Variants in PDE6C observed in about 807,000 individuals in gnomAD.
PDE6C encodes cone cGMP-specific 3',5'-cyclic phosphodiesterase subunit alpha'.
PDE6C carries 75 observed loss-of-function variants against 113.1 expected under a neutral mutation model. That is an observed-to-expected ratio of 0.66 (90% CI 0.55 to 0.80). The LOEUF (loss-of-function observed/expected upper bound fraction) is 0.80, where lower values mean the gene tolerates loss of function less well. Among genes scored for constraint, PDE6C ranks in the 30% least tolerant of loss-of-function variants. PDE6C has a pLI of 0.00. For missense variants in PDE6C, 912 were observed against 1,038.6 expected (o/e 0.88, Z 1.67); for synonymous variants, 375 against 363.7 (o/e 1.03, Z -0.35).
At chr10:93,629,399 C>T in intron 8 of PDE6C, 94 bp downstream of exon 8, 2 of 947,466 alleles carry the variant, frequency 2.1e-6, no homozygotes, top group Non-Finnish European at 3.5e-6. Context: ...CCGCCTGATG[C>T]TCAGGTGTGG....
intron 1 of PDE6C, among the ~76,000 whole-genome samples, chr10:93,619,971 C>G (rs1020038279): frequency 2.0e-5 from 3 of 152,066 alleles, no homozygotes; most frequent in African/African-American, 7.2e-5. Context: ...GAGTTCACAT[C>G]CATATGCATT....
At chr10:93,640,363 C>A in intron 12 of PDE6C, 87 bp from the exon 13 acceptor site, 1 of 1,257,774 alleles carries the variant, frequency 8.0e-7, no homozygotes, top group Middle Eastern at 1.9e-4. Context: ...TCTACAAGAC[C>A]AACACATCTT....
At chr10:93,621,804 C>A in intron 3 of PDE6C, 128 bp from the exon 4 acceptor site, 1 of 845,852 alleles carries the variant, frequency 1.2e-6, no homozygotes, top group Non-Finnish European at 1.9e-6. Flanking sequence ...TGTTCAAAAT[C>A]AGAATTGCAC....
intron 1 of PDE6C, among the ~76,000 whole-genome samples, chr10:93,614,661 G>C (rs747462081): frequency 3.3e-5 from 5 of 152,128 alleles, no homozygotes; most frequent in African/African-American, 2.4e-5. Context: ...TTAAAGAAGA[G>C]ATGGGTAAAA....
rs979759647 is a variant in PDE6C at position 93,665,894 on chromosome 10, C to A, written c.*476C>A. 4 of 232,496 alleles carry A rather than the reference C, an allele frequency of 1.7e-5. No individual in the cohort carries two copies. The highest frequency in any genetic ancestry group is 9.5e-5 in the African/African-American group (4 of 42,266). 14.4% of individuals were successfully genotyped at this position (232,496 alleles called of 1,614,324 possible). ...TCTCCCTGTGTCTTCACATGGTCTT[C>A]CCTCTGTGTGTCTGTGTCCTAATCT... On this transcript the variant is annotated 3_prime_UTR_variant, in exon 22 of 22. Coordinates refer to ENST00000371447, the MANE Select transcript of PDE6C (RefSeq NM_006204.4).
chr10:93,640,395 C>A lies in PDE6C; in HGVS notation c.1630-55C>A. ...TCTTTTTAGATAAGATTGCCACAGA[C>A]CTTCTAACCTTTAGAATTCTATTCC... On this transcript the variant is annotated intron_variant, in intron 12 of 21. Coordinates refer to ENST00000371447, the MANE Select transcript of PDE6C (RefSeq NM_006204.4). The A allele has an allele frequency of 6.4e-6, 9 of 1,396,360 alleles. No homozygotes were observed. In the South Asian group the frequency reaches 1.0e-4, roughly 16 times the overall value. 86.5% of individuals were successfully genotyped at this position (1,396,360 alleles called of 1,614,324 possible).
chr10:93,638,061 A>G (rs61263039), intron 11 of PDE6C, among the ~76,000 whole-genome samples: 29 of 152,284 alleles, frequency 1.9e-4, no homozygotes, highest in African/African-American at 6.5e-4. Flanking sequence ...AATCCATGAA[A>G]TCCTGGGATA....
At chr10:93,618,939 C>T (rs1458745689) in intron 1 of PDE6C, among the ~76,000 whole-genome samples, 3 of 152,152 alleles carry the variant, frequency 2.0e-5, no homozygotes, top group African/African-American at 7.2e-5. Context: ...GCACTGCCAA[C>T]ACAGGGAAAT....
chr10:93,632,081 C>A (rs1014866854), intron 8 of PDE6C, among the ~76,000 whole-genome samples: 1 of 152,156 alleles, frequency 6.6e-6, no homozygotes, highest in Non-Finnish European at 1.5e-5. Context: ...GCCTGGTGAC[C>A]CTTCCCCTGG....
At chr10:93,643,517 T>C (rs1011457919) in intron 14 of PDE6C, among the ~76,000 whole-genome samples, 6 of 151,874 alleles carry the variant, frequency 4.0e-5, no homozygotes, top group African/African-American at 7.3e-5. Context: ...GCCTCCCAAG[T>C]AGCTGGGACT....
chr10:93,658,169 C>CAAAAAAAAAAAAAA (rs71031527), intron 16 of PDE6C, among the ~76,000 whole-genome samples: 37 of 59,856 alleles, frequency 6.2e-4, no homozygotes, highest in South Asian at 2.9e-3. Context: ...GATTCTGTCT[C>CAAAAAAAAAAAAAA]AAAAAAAAAA....
At position 93,640,562 on chromosome 10, in the gene PDE6C, G is replaced by A; in HGVS notation, c.1737+5G>A. Reference sequence around the variant, plus strand: ...ACCATGTTTACTTTGCTGATGGTAGGTACAGAGGGCTGTAAATCCTTGTAA... The same window carrying A: ...ACCATGTTTACTTTGCTGATGGTAGATACAGAGGGCTGTAAATCCTTGTAA... On this transcript the variant is annotated splice_donor_5th_base_variant and intron_variant, in intron 13 of 21. Coordinates refer to ENST00000371447, the MANE Select transcript of PDE6C (RefSeq NM_006204.4). 1.9e-6 allele frequency: 3 copies of A among 1,577,972 alleles called. No individual in the cohort carries two copies. Among genetic ancestry groups the A allele is most frequent in the Non-Finnish European group, 2.6e-6 (3 of 1,147,112 alleles).
intron 16 of PDE6C, 66 bp downstream of exon 16, chr10:93,655,926 T>C (rs1301161154): frequency 2.4e-6 from 2 of 842,844 alleles, no homozygotes; most frequent in East Asian, 2.4e-5. Context: ...CCATAAATTA[T>C]CTGTTGCATT....
intron 15 of PDE6C, among the ~76,000 whole-genome samples, chr10:93,652,538 C>A (rs547815306): frequency 6.6e-6 from 1 of 152,134 alleles, no homozygotes; most frequent in African/African-American, 2.4e-5. Flanking sequence ...TGACTATAAA[C>A]CCTTTTTCTT....
chr10:93,639,355 A>C (rs76753873), intron 11 of PDE6C, among the ~76,000 whole-genome samples: 5,665 of 152,330 alleles, frequency 0.037, 134 homozygotes, highest in Middle Eastern at 0.092. Context: ...TAAGTTCCTT[A>C]AGGGCAAGAT....
At position 93,665,411 on chromosome 10, in the gene PDE6C, T is replaced by C. The variant is rs1390386517; in HGVS notation, c.2570T>C (p.Met857Thr). 2 of 1,586,604 alleles carry C rather than the reference T, an allele frequency of 1.3e-6. No homozygotes were observed. Among genetic ancestry groups the C allele is most frequent in the South Asian group, 2.2e-5 (2 of 90,558 alleles). ...GACAAAAAGTCCAAAACATGTTTAA[T>C]GTTGTAATATTATCTAACTGGTCTA... ...GDDKKSKTCL[M>T]L is the part of the protein sequence containing the mutation. Residue 857 changes from methionine to threonine, a missense_variant, in exon 22 of 22, where the codon ATG becomes ACG. Transcript: ENST00000371447.
At chr10:93,653,918 A>T (rs1016426883) in intron 15 of PDE6C, among the ~76,000 whole-genome samples, 1 of 152,240 alleles carries the variant, frequency 6.6e-6, no homozygotes, top group African/African-American at 2.4e-5. Flanking sequence ...GAAGATTTAT[A>T]TAAGGCATAG....
At chr10:93,616,982 A>G (rs1438839588) in intron 1 of PDE6C, among the ~76,000 whole-genome samples, 2 of 152,150 alleles carry the variant, frequency 1.3e-5, no homozygotes, top group African/African-American at 4.8e-5. Context: ...TTTTTTCTCT[A>G]TTCGGAAAGC....
At chr10:93,654,555 G>T (rs958091530) in intron 15 of PDE6C, among the ~76,000 whole-genome samples, 2 of 152,216 alleles carry the variant, frequency 1.3e-5, no homozygotes, top group Non-Finnish European at 2.9e-5. Flanking sequence ...TATTGTTTTT[G>T]GCATTATGCT....
Sources: gnomAD v4.1 joint callset for allele counts (sites outside exome capture counted in the v4.1 genomes callset) on GRCh38, gnomAD v4.1.1 for gene constraint, MANE v1.5 for transcripts, NCBI Gene and HGNC (gene_info 2026-07-23, HGNC 2026-07-21) for gene names.